The following ADAM32 variants were observed in gnomAD, a reference collection of about 807,000 sequenced individuals.
ADAM32 encodes disintegrin and metalloproteinase domain-containing protein 32.
Under a neutral mutation model 114.9 loss-of-function variants are expected in ADAM32, and 89 were observed. That is an observed-to-expected ratio of 0.77 (90% CI 0.65 to 0.92). ADAM32 has a LOEUF of 0.92. Among genes scored for constraint, ADAM32 ranks in the 40% least tolerant of loss-of-function variants. The probability of loss-of-function intolerance (pLI) is 0.00; values close to 1 mark genes in which losing one functional copy is unlikely to be tolerated. For synonymous variants in ADAM32, 285 were observed against 307.5 expected (o/e 0.93, Z 0.77); for missense variants, 870 against 932.8 (o/e 0.93, Z 0.88).
rs568584010 is a variant in ADAM32, at chr8:39,253,110, T to C, written c.1903-1304T>C. On this transcript the variant is annotated intron_variant, in intron 17 of 24. Coordinates refer to ENST00000379907, the MANE Select transcript of ADAM32 (RefSeq NM_145004.7). The stretch of plus-strand genomic sequence containing the variant: ...AAAAGAATCATACACTATGACCAGA[T>C]GGGATTTATTCCTGGGATGCAAGGA... Among the ~76,000 whole-genome samples, 14 of 151,780 alleles carry C rather than the reference T, an allele frequency of 9.2e-5. No homozygotes were observed. In the South Asian group the frequency reaches 2.1e-3, roughly 23 times the overall value.
chr8:39,211,437 A>G lies in ADAM32; in HGVS notation c.1233+113A>G, dbSNP rs1808212492. On this transcript the variant is annotated intron_variant, in intron 12 of 24. Coordinates refer to ENST00000379907, the MANE Select transcript of ADAM32 (RefSeq NM_145004.7). ...GAGTACCATGCAGAATGTTGACAGT[A>G]AGTGAAGTTGGGTCGAAATACATAC... 4.6e-6 allele frequency: 5 copies of G among 1,088,860 alleles called. No individual in the cohort carries two copies. The South Asian group carries it at 1.5e-4, about 33-fold the overall frequency. The allele number at this position is 1,088,860 out of a possible 1,614,324, so 67.4% of individuals were successfully genotyped here.
chr8:39,137,000 G>A (rs1050266307), intron 3 of ADAM32, among the ~76,000 whole-genome samples: 1 of 152,160 alleles, frequency 6.6e-6, no homozygotes, highest in Non-Finnish European at 1.5e-5. Context: ...CAGGGCAGAT[G>A]TCACAAAAAT....
chr8:39,129,140 G>A (rs75242186), intron 2 of ADAM32, among the ~76,000 whole-genome samples: 32,445 of 93,214 alleles, frequency 0.35, 3,918 homozygotes, highest in Non-Finnish European at 0.4. Context: ...TTTTTTTTTT[G>A]TGGATTCTTT....
intron 17 of ADAM32, among the ~76,000 whole-genome samples, chr8:39,247,507 C>T (rs544614222): frequency 6.6e-6 from 1 of 151,654 alleles, no homozygotes; most frequent in Non-Finnish European, 1.5e-5. Context: ...TGGTGAGGGG[C>T]CTTTTAAAGT....
chr8:39,229,465 A>G (rs547584839), intron 14 of ADAM32, among the ~76,000 whole-genome samples: 1 of 152,320 alleles, frequency 6.6e-6, no homozygotes, highest in East Asian at 1.9e-4. Flanking sequence ...CACCTAACAC[A>G]TAAGAACTCA....
intron 10 of ADAM32, among the ~76,000 whole-genome samples, chr8:39,170,825 A>G (rs574409674): frequency 1.3e-5 from 2 of 152,164 alleles, no homozygotes; most frequent in Non-Finnish European, 2.9e-5. Context: ...ATGTAAAGGC[A>G]GTGAGCAGAA....
chr8:39,169,021 T>C (rs1487429274), intron 9 of ADAM32: 1 of 152,102 alleles, frequency 6.6e-6, no homozygotes, highest in Non-Finnish European at 1.5e-5. Flanking sequence ...TGGAAACAAA[T>C]GCTGGAAGGG....
At chr8:39,146,412 T>A (rs1803507700) in intron 3 of ADAM32, among the ~76,000 whole-genome samples, 1 of 40,050 alleles carries the variant, frequency 2.5e-5, no homozygotes, top group Non-Finnish European at 4.3e-5. Context: ...GTCTATTAAA[T>A]TTTTTTTTTT....
chr8:39,272,101 G>GAAAA (rs11366445), intron 20 of ADAM32, among the ~76,000 whole-genome samples: 195 of 65,736 alleles, frequency 3.0e-3, no homozygotes, highest in Non-Finnish European at 3.4e-3. Flanking sequence ...GTGAGCTCCA[G>GAAAA]AAAAAAAAAA....
intron 20 of ADAM32, among the ~76,000 whole-genome samples, chr8:39,273,397 C>T (rs1252088077): frequency 6.6e-6 from 1 of 152,014 alleles, no homozygotes; most frequent in East Asian, 1.9e-4. Context: ...CGTGGTGGCA[C>T]ATGCCTGTAA....
chr8:39,204,849 C>T (rs1807711625), intron 11 of ADAM32, among the ~76,000 whole-genome samples: 1 of 152,228 alleles, frequency 6.6e-6, no homozygotes, highest in African/African-American at 2.4e-5. Context: ...TTCTAGCAGT[C>T]AGGACCCTCA....
chr8:39,125,052 A>G (rs1409447834), intron 2 of ADAM32, among the ~76,000 whole-genome samples: 1 of 152,142 alleles, frequency 6.6e-6, no homozygotes, highest in Admixed American at 6.5e-5. Context: ...AACTAGTGTA[A>G]GATAGTATCT....
intron 11 of ADAM32, among the ~76,000 whole-genome samples, chr8:39,209,080 C>T (rs1312255101): frequency 3.3e-5 from 5 of 151,836 alleles, no homozygotes; most frequent in Non-Finnish European, 7.4e-5. Flanking sequence ...AACTTTTCTA[C>T]CCCCTTTCTC....
chr8:39,241,445 C>A (rs186050074), intron 16 of ADAM32, among the ~76,000 whole-genome samples: 127 of 152,336 alleles, frequency 8.3e-4, no homozygotes, highest in Middle Eastern at 3.4e-3. Context: ...AGCAGAGGTT[C>A]TCCATGAGGG....
intron 3 of ADAM32, among the ~76,000 whole-genome samples, chr8:39,141,167 G>A (rs1394181487): frequency 6.6e-6 from 1 of 152,048 alleles, no homozygotes; most frequent in African/African-American, 2.4e-5. Context: ...ATTTTTTGAA[G>A]GGATTTTGTG....
chr8:39,135,842 A>T (rs554691839), intron 2 of ADAM32, among the ~76,000 whole-genome samples: 1 of 152,274 alleles, frequency 6.6e-6, no homozygotes, highest in African/African-American at 2.4e-5. Flanking sequence ...ATGACATCAT[A>T]TCATGGGGTA....
chr8:39,134,925 G>T (rs561279697), intron 2 of ADAM32, among the ~76,000 whole-genome samples: 1 of 152,272 alleles, frequency 6.6e-6, no homozygotes, highest in African/African-American at 2.4e-5. Flanking sequence ...GGAGGCCGAG[G>T]TGGGCGAGTC....
At chr8:39,228,409 G>T (rs185962651) in intron 14 of ADAM32, among the ~76,000 whole-genome samples, 2 of 152,120 alleles carry the variant, frequency 1.3e-5, no homozygotes, top group Non-Finnish European at 2.9e-5. Flanking sequence ...AGGAGAAGCC[G>T]AATGCAAGGA....
intron 6 of ADAM32, chr8:39,158,048 C>G (rs1564502907): frequency 3.9e-6 from 1 of 258,824 alleles, no homozygotes; most frequent in Non-Finnish European, 7.7e-6. Context: ...TCTTTGTAGC[C>G]TTTGCCCTTG....
Sources: gnomAD v4.1 joint callset for allele counts (sites outside exome capture counted in the v4.1 genomes callset) on GRCh38, gnomAD v4.1.1 for gene constraint, MANE v1.5 for transcripts, NCBI Gene and HGNC (gene_info 2026-07-23, HGNC 2026-07-21) for gene names.